The following CSMD1 variants were observed in gnomAD, a reference collection of about 807,000 sequenced individuals.
CSMD1 encodes the protein CUB and Sushi multiple domains 1, also known as CUB and sushi domain-containing protein 1.
A neutral mutation model predicts 417.5 loss-of-function variants in CSMD1; 213 were observed. The ratio of observed to expected loss-of-function variants is 0.51; its 90% CI spans 0.46 to 0.57. The LOEUF (loss-of-function observed/expected upper bound fraction) is 0.57, where lower values mean the gene tolerates loss of function less well. CSMD1 is among the 20% of genes least tolerant of loss of function. The pLI is 0.00. For missense variants in CSMD1, 6,923 were observed against 4,529.7 expected, an observed-to-expected ratio of 1.53 and a Z score of -15.17; for synonymous variants, 2,862 against 1,736.8, an observed-to-expected ratio of 1.65 and a Z score of -16.11.
chr8:3,100,813 G>C (rs11998559), intron 46 of CSMD1, among the ~76,000 whole-genome samples: 2,542 of 152,272 alleles, frequency 0.017, 41 homozygotes, highest in Middle Eastern at 0.12. Context: ...TGGGATTTAT[G>C]AGTAACTAAG....
chr8:3,419,067 C>T (rs1313199688), intron 12 of CSMD1, among the ~76,000 whole-genome samples: 2 of 152,190 alleles, frequency 1.3e-5, no homozygotes, highest in African/African-American at 2.4e-5. Context: ...GTGTCTGTTG[C>T]CATTGTTTAA....
intron 23 of CSMD1, among the ~76,000 whole-genome samples, chr8:3,329,608 C>G (rs1806764222): frequency 1.3e-5 from 2 of 152,144 alleles, no homozygotes; most frequent in Non-Finnish European, 2.9e-5. Flanking sequence ...GAGTGCGTCC[C>G]CTTCACAGGT....
At position 2,957,707 on chromosome 8, in the gene CSMD1, G is replaced by T; in HGVS notation, c.9803C>A (p.Thr3268Asn). Residue 3268 changes from threonine to asparagine, a missense_variant, in exon 63 of 70, where the codon ACC becomes AAC. Physicochemically the swap from Thr to Asn is moderately conservative, Grantham distance 65. Transcript: ENST00000635120. Reference protein sequence around the residue: ...LANLTWSGIQTECIPHACRQP... With the variant: ...LANLTWSGIQNECIPHACRQP... ...GAAATCACACTTACGTATACATTCG[G>T]TCTGTATCCCACTCCATGTTAAATT... is the stretch of plus-strand genomic sequence containing the variant. 6.3e-7 allele frequency: 1 copy of T among 1,585,830 alleles called. No homozygotes were observed. The highest frequency in any genetic ancestry group is 8.6e-7 in the Non-Finnish European group (1 of 1,163,158).
At chr8:4,347,728 A>G (rs371668440) in intron 3 of CSMD1, among the ~76,000 whole-genome samples, 1 of 152,150 alleles carries the variant, frequency 6.6e-6, no homozygotes. Context: ...ACGTAACTCA[A>G]TTCTGAGTGC....
intron 15 of CSMD1, among the ~76,000 whole-genome samples, chr8:3,403,379 G>A (rs150321618): frequency 1.7e-3 from 260 of 152,198 alleles, no homozygotes; most frequent in African/African-American, 5.4e-3. Flanking sequence ...AGTGATCGGG[G>A]TACCCGCCTG....
At chr8:4,451,519 A>G (rs1433862578) in intron 2 of CSMD1, among the ~76,000 whole-genome samples, 1 of 152,164 alleles carries the variant, frequency 6.6e-6, no homozygotes, top group Non-Finnish European at 1.5e-5. Context: ...CTTATCACAA[A>G]AATTCCAGAG....
intron 5 of CSMD1, among the ~76,000 whole-genome samples, chr8:3,989,461 T>C (rs1213049378): frequency 1.3e-5 from 2 of 152,162 alleles, no homozygotes; most frequent in Non-Finnish European, 2.9e-5. Context: ...GAACGAGTTG[T>C]GGTAACACAG....
chr8:3,370,123 A>G (rs1809855772), intron 18 of CSMD1, among the ~76,000 whole-genome samples: 1 of 152,162 alleles, frequency 6.6e-6, no homozygotes, highest in East Asian at 1.9e-4. Context: ...ACGGGAATTC[A>G]ATTCTTAAGA....
chr8:4,891,396 G>A (rs1056089685), intron 1 of CSMD1, among the ~76,000 whole-genome samples: 2 of 152,140 alleles, frequency 1.3e-5, no homozygotes, highest in African/African-American at 4.8e-5. Flanking sequence ...CCTTGATCAG[G>A]TTGGTACATT....
intron 4 of CSMD1, among the ~76,000 whole-genome samples, chr8:4,025,487 A>T (rs1253224509): frequency 6.6e-6 from 1 of 152,246 alleles, no homozygotes; most frequent in East Asian, 1.9e-4. Context: ...AAGGCATTTA[A>T]ATCAAGAGGC....
chr8:3,125,783 C>T (rs183152170), intron 41 of CSMD1, among the ~76,000 whole-genome samples: 1 of 152,160 alleles, frequency 6.6e-6, no homozygotes, highest in South Asian at 2.1e-4. Context: ...TTGAAACCAG[C>T]CTGGCCAACA....
At chr8:3,647,441 A>C (rs1389990300) in intron 7 of CSMD1, among the ~76,000 whole-genome samples, 1 of 152,234 alleles carries the variant, frequency 6.6e-6, no homozygotes, top group Non-Finnish European at 1.5e-5. Context: ...GAAATACAGT[A>C]CATAGAGAAA....
intron 1 of CSMD1, among the ~76,000 whole-genome samples, chr8:4,664,000 C>A (rs1306739906): frequency 6.6e-6 from 1 of 152,082 alleles, no homozygotes; most frequent in Non-Finnish European, 1.5e-5. Flanking sequence ...CTGGTTCGGG[C>A]AAGAGATCCA....
At chr8:3,175,164 A>G (rs552468982) in intron 37 of CSMD1, among the ~76,000 whole-genome samples, 36 of 152,340 alleles carry the variant, frequency 2.4e-4, no homozygotes, top group African/African-American at 7.7e-4. Flanking sequence ...AAATCATTTG[A>G]CTAAAGAAAA....
intron 6 of CSMD1, among the ~76,000 whole-genome samples, chr8:3,728,221 T>G (rs1241493611): frequency 1.3e-5 from 2 of 152,164 alleles, no homozygotes; most frequent in Non-Finnish European, 2.9e-5. Context: ...TCTGATGGTT[T>G]TACAAAGGGA....
At chr8:4,523,100 G>T (rs1316649037) in intron 2 of CSMD1, among the ~76,000 whole-genome samples, 1 of 152,166 alleles carries the variant, frequency 6.6e-6, no homozygotes, top group Non-Finnish European at 1.5e-5. Context: ...TTGGTGGGTG[G>T]TAGTGGGCCA....
At chr8:4,241,447 A>C (rs1348921718) in intron 3 of CSMD1, among the ~76,000 whole-genome samples, 1 of 152,152 alleles carries the variant, frequency 6.6e-6, no homozygotes, top group African/African-American at 2.4e-5. Context: ...TATCTCAGTC[A>C]CTACATCTCC....
chr8:3,371,244 T>G (rs765500763), intron 18 of CSMD1, among the ~76,000 whole-genome samples: 1 of 152,188 alleles, frequency 6.6e-6, no homozygotes, highest in Non-Finnish European at 1.5e-5. Context: ...TGGTTCTGTT[T>G]CTCTGGAGCA....
chr8:4,444,024 A>G (rs1441635050), intron 2 of CSMD1, among the ~76,000 whole-genome samples: 1 of 152,144 alleles, frequency 6.6e-6, no homozygotes, highest in Non-Finnish European at 1.5e-5. Flanking sequence ...AAGGAAGGAA[A>G]ACACACACTA....
Sources: gnomAD v4.1 joint callset for allele counts (sites outside exome capture counted in the v4.1 genomes callset) on GRCh38, gnomAD v4.1.1 for gene constraint, MANE v1.5 for transcripts, NCBI Gene and HGNC (gene_info 2026-07-23, HGNC 2026-07-21) for gene names.